The following SLC25A13 variants were observed in gnomAD, a reference collection of about 807,000 sequenced individuals.
SLC25A13 encodes solute carrier family 25 member 13, also known as electrogenic aspartate/glutamate antiporter SLC25A13, mitochondrial.
Under a neutral mutation model 85.5 loss-of-function variants are expected in SLC25A13, and 70 were observed. The ratio of observed to expected loss-of-function variants is 0.82; its 90% CI spans 0.68 to 1.00. The LOEUF (loss-of-function observed/expected upper bound fraction) is 1.00, where lower values mean the gene tolerates loss of function less well. Among genes scored for constraint, SLC25A13 ranks in the 50% least tolerant of loss-of-function variants. SLC25A13 has a pLI of 0.00. For synonymous variants in SLC25A13, 259 were observed against 288.7 expected (o/e 0.90, Z 1.04); for missense variants, 765 against 819.8 (o/e 0.93, Z 0.82).
At chr7:96,284,331 TC>T (rs1295795898) in intron 2 of SLC25A13, among the ~76,000 whole-genome samples, 1 of 152,182 alleles carries the variant, frequency 6.6e-6, no homozygotes, top group African/African-American at 2.4e-5. Context: ...TTTTAAATTT[TC>T]AATGCATATA....
chr7:96,216,773 A>C (rs1340847766), intron 4 of SLC25A13, among the ~76,000 whole-genome samples: 1 of 152,166 alleles, frequency 6.6e-6, no homozygotes, highest in East Asian at 1.9e-4. Flanking sequence ...GAGGGAGAGG[A>C]TCAGGAAAAA....
Position 96,263,292 on chromosome 7 carries a change from C to T in SLC25A13, c.212+13904G>A, listed in dbSNP as rs114447814. ...AATCCCTGAGAGGCCCTGGACTTTG[C>T]CTATTCTGTCACCATCTCCCAGAAA... On this transcript the variant is annotated intron_variant, in intron 3 of 17. Coordinates refer to ENST00000265631, the MANE Select transcript of SLC25A13 (RefSeq NM_014251.3). 2.8e-3 allele frequency among the ~76,000 whole-genome samples: 424 copies of T among 152,244 alleles called. 4 individuals are homozygous for T. The highest frequency in any genetic ancestry group is 9.6e-3 in the African/African-American group (398 of 41,548).
intron 3 of SLC25A13, among the ~76,000 whole-genome samples, chr7:96,243,546 GT>G (rs1040323717): frequency 1.3e-5 from 2 of 151,558 alleles, no homozygotes; most frequent in Non-Finnish European, 2.9e-5. Context: ...CACTCATTTG[GT>G]TTTTTTTTAA....
rs200712571 is a variant in SLC25A13, at chr7:96,245,787, GT to G, written c.213-10871del. The stretch of plus-strand genomic sequence containing the variant: ...TCAAAGCAGGAGGAAATCAAAAGAG[GT>G]AAAGAAAGACCATTGAGGAAAAAAG... On this transcript the variant is annotated intron_variant, in intron 3 of 17. Coordinates refer to ENST00000265631, the MANE Select transcript of SLC25A13 (RefSeq NM_014251.3). 6.0e-3 allele frequency among the ~76,000 whole-genome samples: 910 copies of G among 152,248 alleles called. 9 individuals are homozygous for G. Among genetic ancestry groups the G allele is most frequent in the African/African-American group, 0.021 (858 of 41,546 alleles).
intron 4 of SLC25A13, among the ~76,000 whole-genome samples, chr7:96,230,064 A>G (rs1478193656): frequency 6.6e-6 from 1 of 152,262 alleles, no homozygotes; most frequent in Admixed American, 6.5e-5. Context: ...TATTGCTTGC[A>G]GCAGCCAAAA....
chr7:96,192,639 T>C (rs1444150382), intron 6 of SLC25A13, among the ~76,000 whole-genome samples: 1 of 151,350 alleles, frequency 6.6e-6, no homozygotes, highest in Non-Finnish European at 1.5e-5. Context: ...AGGTTTGGAG[T>C]TTCTGTTGTG....
chr7:96,153,794 A>G (rs1350295665), intron 13 of SLC25A13, among the ~76,000 whole-genome samples: 1 of 152,232 alleles, frequency 6.6e-6, no homozygotes, highest in Non-Finnish European at 1.5e-5. Context: ...AACATTATAT[A>G]TCTTTATTAG....
chr7:96,270,712 AAATAT>A (rs1370587987), intron 3 of SLC25A13, among the ~76,000 whole-genome samples: 11 of 152,336 alleles, frequency 7.2e-5, no homozygotes, highest in African/African-American at 2.4e-4. Context: ...AAATAAAATA[AAATAT>A]AAGTATAAAT....
chr7:96,282,706 A>T (rs555985457), intron 2 of SLC25A13, among the ~76,000 whole-genome samples: 3 of 152,338 alleles, frequency 2.0e-5, no homozygotes, highest in African/African-American at 7.2e-5. Flanking sequence ...TATTAACATA[A>T]ATCAGAAAAA....
intron 3 of SLC25A13, among the ~76,000 whole-genome samples, chr7:96,245,124 T>C (rs1797137608): frequency 6.6e-6 from 1 of 152,204 alleles, no homozygotes. Context: ...TGGGGTATTC[T>C]TATACCTCCA....
chr7:96,143,981 A>T (rs1186042179), intron 14 of SLC25A13, among the ~76,000 whole-genome samples: 2 of 152,242 alleles, frequency 1.3e-5, no homozygotes, highest in African/African-American at 4.8e-5. Flanking sequence ...CAGGTTTAAA[A>T]GTACTGTGTG....
intron 3 of SLC25A13, among the ~76,000 whole-genome samples, chr7:96,260,711 T>A (rs539135906): frequency 6.6e-6 from 1 of 152,230 alleles, no homozygotes. Context: ...ATATTTCATA[T>A]CTAATCCATC....
At chr7:96,147,727 G>A (rs1792862684) in intron 13 of SLC25A13, among the ~76,000 whole-genome samples, 2 of 152,142 alleles carry the variant, frequency 1.3e-5, no homozygotes, top group Admixed American at 6.5e-5. Context: ...TAAGGGATGG[G>A]TTAAATGAAC....
chr7:96,279,430 C>G (rs1465349372), intron 2 of SLC25A13, among the ~76,000 whole-genome samples: 2 of 152,170 alleles, frequency 1.3e-5, no homozygotes, highest in South Asian at 4.1e-4. Context: ...TTCCACATGG[C>G]TGGGAGGCCT....
intron 3 of SLC25A13, among the ~76,000 whole-genome samples, chr7:96,276,312 A>G (rs1798449116): frequency 6.6e-6 from 1 of 152,192 alleles, no homozygotes; most frequent in African/African-American, 2.4e-5. Flanking sequence ...CAGCTTAAGG[A>G]AAACCCATTT....
chr7:96,234,003 G>A (rs776805729), intron 4 of SLC25A13, among the ~76,000 whole-genome samples: 10 of 152,128 alleles, frequency 6.6e-5, no homozygotes, highest in Non-Finnish European at 1.2e-4. Flanking sequence ...TGCCTAAAGG[G>A]CTCCAAAATT....
intron 5 of SLC25A13, 102 bp from the exon 6 acceptor site, chr7:96,193,285 A>G: frequency 7.1e-7 from 1 of 1,410,812 alleles, no homozygotes; most frequent in Non-Finnish European, 9.7e-7. Context: ...GAGAGTTTAC[A>G]TCTTGATCTA....
intron 13 of SLC25A13, among the ~76,000 whole-genome samples, chr7:96,154,294 C>CTT (rs1161443008): frequency 0.016 from 1,985 of 125,492 alleles, 50 homozygotes; most frequent in African/African-American, 0.053. Flanking sequence ...CACTGAGTGT[C>CTT]TTTTTTTTTT....
chr7:96,194,442 CAAAAA>C (rs546248549), intron 5 of SLC25A13, among the ~76,000 whole-genome samples: 74 of 27,696 alleles, frequency 2.7e-3, no homozygotes, highest in East Asian at 0.011. Flanking sequence ...AACCTTGTCT[CAAAAA>C]AAAAAAAAAA....
Sources: gnomAD v4.1 joint callset for allele counts (sites outside exome capture counted in the v4.1 genomes callset) on GRCh38, gnomAD v4.1.1 for gene constraint, MANE v1.5 for transcripts, NCBI Gene and HGNC (gene_info 2026-07-23, HGNC 2026-07-21) for gene names.